SLC4A10: variants seen among roughly 807,000 people sequenced by gnomAD.
SLC4A10 encodes solute carrier family 4 member 10, also known as sodium-driven chloride bicarbonate exchanger.
SLC4A10 carries 42 observed loss-of-function variants against 137.7 expected under a neutral mutation model. The observed-to-expected ratio is 0.30, with a 90% CI of 0.24 to 0.39. The LOEUF (loss-of-function observed/expected upper bound fraction) is 0.39. Among genes scored for constraint, SLC4A10 ranks in the 10% least tolerant of loss-of-function variants. SLC4A10 has a pLI of 1.00. For synonymous variants in SLC4A10, 474 were observed against 464.1 expected (o/e 1.02, Z -0.27); for missense variants, 925 against 1,355.0 (o/e 0.68, Z 4.98).
At chr2:161,979,807 C>T (rs889128012) in intron 26 of SLC4A10, among the ~76,000 whole-genome samples, 1 of 152,172 alleles carries the variant, frequency 6.6e-6, no homozygotes, top group African/African-American at 2.4e-5. Context: ...TGACACCCCC[C>T]ATTCTGAGTT....
intron 21 of SLC4A10, among the ~76,000 whole-genome samples, chr2:161,961,291 C>T (rs1481850936): frequency 6.6e-6 from 1 of 152,120 alleles, no homozygotes; most frequent in African/African-American, 2.4e-5. Flanking sequence ...CTGGGGGAAA[C>T]TTAAGTATGA....
At chr2:161,705,431 C>T (rs2043551790) in intron 1 of SLC4A10, among the ~76,000 whole-genome samples, 1 of 151,600 alleles carries the variant, frequency 6.6e-6, no homozygotes, top group Non-Finnish European at 1.5e-5. Flanking sequence ...GAAGTTCTTG[C>T]TCTTTTTAAG....
chr2:161,734,884 G>C (rs1488523303), intron 1 of SLC4A10, among the ~76,000 whole-genome samples: 1 of 152,050 alleles, frequency 6.6e-6, no homozygotes, highest in Admixed American at 6.5e-5. Flanking sequence ...TGGATCATGG[G>C]GGTGGTTTCC....
intron 3 of SLC4A10, among the ~76,000 whole-genome samples, chr2:161,829,856 CAA>C (rs1194997499): frequency 1.3e-5 from 2 of 151,924 alleles, no homozygotes; most frequent in African/African-American, 2.4e-5. Context: ...TGGCAGCAGA[CAA>C]GAGAGAATAA....
intron 1 of SLC4A10, among the ~76,000 whole-genome samples, chr2:161,717,999 C>T (rs1476338611): frequency 6.6e-6 from 1 of 151,662 alleles, no homozygotes; most frequent in Middle Eastern, 3.2e-3. Flanking sequence ...ATTGATTATT[C>T]TTCAGGGAAT....
intron 1 of SLC4A10, among the ~76,000 whole-genome samples, chr2:161,730,554 C>T (rs1175156148): frequency 6.6e-6 from 1 of 152,078 alleles, no homozygotes; most frequent in Non-Finnish European, 1.5e-5. Flanking sequence ...AACAATATTT[C>T]TGAATATTAT....
chr2:161,713,993 C>T (rs2044576948), intron 1 of SLC4A10, among the ~76,000 whole-genome samples: 1 of 148,622 alleles, frequency 6.7e-6, no homozygotes, highest in African/African-American at 2.5e-5. Flanking sequence ...ACTTATTACT[C>T]TCAGTATAAA....
At chr2:161,900,193 G>A (rs565349439) in intron 11 of SLC4A10, among the ~76,000 whole-genome samples, 28 of 152,082 alleles carry the variant, frequency 1.8e-4, no homozygotes, top group African/African-American at 6.7e-4. Flanking sequence ...AAAAGCAGGT[G>A]GAATAGACCA....
intron 1 of SLC4A10, among the ~76,000 whole-genome samples, chr2:161,738,016 C>A (rs547512034): frequency 2.0e-5 from 3 of 152,264 alleles, no homozygotes; most frequent in African/African-American, 7.2e-5. Context: ...AGTTAGTTTT[C>A]AGGTTTATTC....
chr2:161,958,302 G>A (rs534611284), intron 20 of SLC4A10, among the ~76,000 whole-genome samples, 185 bp from the exon 21 acceptor site: 3 of 152,242 alleles, frequency 2.0e-5, no homozygotes, highest in African/African-American at 7.2e-5. Flanking sequence ...GAGAGCTTAA[G>A]TAACTTACCT....
At chr2:161,664,331 G>A (rs907368788) in intron 1 of SLC4A10, among the ~76,000 whole-genome samples, 5 of 151,894 alleles carry the variant, frequency 3.3e-5, no homozygotes, top group Non-Finnish European at 7.4e-5. Flanking sequence ...CAAATAGTCA[G>A]AACAGCATTT....
intron 15 of SLC4A10, among the ~76,000 whole-genome samples, chr2:161,907,948 A>C (rs1163707818): frequency 6.6e-6 from 1 of 152,144 alleles, no homozygotes; most frequent in Non-Finnish European, 1.5e-5. Context: ...GTAGGAAGGC[A>C]CCCATTGCCT....
chr2:161,917,195 C>G (rs1687274319), intron 15 of SLC4A10, among the ~76,000 whole-genome samples: 4 of 152,088 alleles, frequency 2.6e-5, no homozygotes, highest in Admixed American at 2.6e-4. Flanking sequence ...TTGCATGTAT[C>G]AATTTATTCC....
intron 1 of SLC4A10, among the ~76,000 whole-genome samples, chr2:161,686,888 CT>C (rs201067216): frequency 8.2e-4 from 118 of 143,796 alleles, no homozygotes; most frequent in Admixed American, 9.0e-4. Context: ...CTTTTGTTGT[CT>C]TTTTTTTTTT....
intron 3 of SLC4A10, among the ~76,000 whole-genome samples, chr2:161,815,205 C>A: frequency 6.6e-6 from 1 of 152,086 alleles, no homozygotes; most frequent in East Asian, 1.9e-4. Context: ...AAAATCTCAT[C>A]TCCATTTATA....
intron 1 of SLC4A10, among the ~76,000 whole-genome samples, chr2:161,727,283 A>G (rs573432195): frequency 2.0e-5 from 3 of 152,318 alleles, no homozygotes; most frequent in East Asian, 1.9e-4. Context: ...GAAAGCCCCA[A>G]ACATATTGAA....
At chr2:161,871,204 T>C (rs1170994502) in intron 6 of SLC4A10, among the ~76,000 whole-genome samples, 2 of 151,904 alleles carry the variant, frequency 1.3e-5, no homozygotes, top group South Asian at 2.1e-4. Flanking sequence ...AGTCAGAGAC[T>C]GAAGTGATTA....
At chr2:161,728,996 C>T (rs141285670) in intron 1 of SLC4A10, among the ~76,000 whole-genome samples, 18 of 151,948 alleles carry the variant, frequency 1.2e-4, no homozygotes, top group Non-Finnish European at 2.5e-4. Flanking sequence ...CAAAATTTCA[C>T]ATTCATTCTA....
In SLC4A10 at chr2:161,807,406, A is replaced by C. The variant is rs188528022; in HGVS notation, c.277+2811A>C. Among the ~76,000 whole-genome samples the C allele has an allele frequency of 1.6e-4, 24 of 152,202 alleles. No homozygotes were observed. In the East Asian group the frequency reaches 4.3e-3, roughly 27 times the overall value. ...GAACCTGGCTCTCAGTTCCTTGACC[A>C]TCCCATCTCTTATGACCTTCTCTGT... On this transcript the variant is annotated intron_variant, in intron 3 of 26. Coordinates refer to ENST00000446997, the MANE Select transcript of SLC4A10 (RefSeq NM_001178015.2).
Sources: allele counts gnomAD v4.1 joint callset (sites outside exome capture counted in the v4.1 genomes callset), GRCh38; gene constraint gnomAD v4.1.1; transcripts MANE v1.5; gene names NCBI Gene and HGNC (gene_info 2026-07-23, HGNC 2026-07-21).